The following NSUN6 variants were observed in gnomAD, a reference collection of about 807,000 sequenced individuals.
NSUN6 encodes the protein tRNA (cytosine(72)-C(5))-methyltransferase NSUN6.
In NSUN6, 64 loss-of-function variants were observed where a neutral mutation model predicts 58.0. That is an observed-to-expected ratio of 1.10 (90% CI 0.90 to 1.36). The LOEUF (loss-of-function observed/expected upper bound fraction) is 1.36. Ranked by LOEUF, NSUN6 falls within the 40% of genes most tolerant of loss-of-function variation. The pLI, the probability that NSUN6 is intolerant of heterozygous loss-of-function variation, is 0.00. For missense variants in NSUN6, 701 were observed against 550.1 expected, an observed-to-expected ratio of 1.27 and a Z score of -2.74; for synonymous variants, 231 against 193.9, an observed-to-expected ratio of 1.19 and a Z score of -1.59.
chr10:18,656,816 C>CTT (rs59363607), upstream of NSUN6, among the ~76,000 whole-genome samples: 19 of 86,600 alleles, frequency 2.2e-4, no homozygotes, highest in Admixed American at 3.0e-4. Flanking sequence ...AGTTACAATC[C>CTT]TTTTTTTTTT....
chr10:18,581,565 G>A (rs1242362217), intron 8 of NSUN6, among the ~76,000 whole-genome samples: 1 of 152,180 alleles, frequency 6.6e-6, no homozygotes. Flanking sequence ...GGTGGCTCAT[G>A]CCTGTAATTC....
At chr10:18,652,670 C>T, upstream of NSUN6, 1 of 667,830 alleles carries the variant, frequency 1.5e-6, no homozygotes. Context: ...AGAGATTCTC[C>T]TGCCTTGGCC....
chr10:18,609,973 T>C (rs1224341334), intron 5 of NSUN6, 47 bp from the exon 6 acceptor site: 3 of 1,084,244 alleles, frequency 2.8e-6, no homozygotes, highest in Non-Finnish European at 2.8e-6. Flanking sequence ...TTCCATGGTC[T>C]ATACAAACTA....
chr10:18,628,186 C>T (rs2131454480), intron 3 of NSUN6, among the ~76,000 whole-genome samples: 1 of 152,294 alleles, frequency 6.6e-6, no homozygotes, highest in Non-Finnish European at 1.5e-5. Context: ...AGACCTGCAG[C>T]TGAGGGTCCT....
chr10:18,643,897 T>C (rs1483667033), intron 2 of NSUN6, among the ~76,000 whole-genome samples: 1 of 152,194 alleles, frequency 6.6e-6, no homozygotes, highest in Non-Finnish European at 1.5e-5. Context: ...TGTTAATATA[T>C]AAATAAAACC....
chr10:18,634,581 C>A (rs553479977), intron 3 of NSUN6, among the ~76,000 whole-genome samples: 1 of 147,760 alleles, frequency 6.8e-6, no homozygotes, highest in South Asian at 2.2e-4. Flanking sequence ...GAAACCACAT[C>A]TCTACTAAAA....
chr10:18,582,430 G>A (rs530440817), intron 8 of NSUN6, among the ~76,000 whole-genome samples: 10 of 152,296 alleles, frequency 6.6e-5, no homozygotes, highest in Non-Finnish European at 1.2e-4. Flanking sequence ...TTGTGGTGGT[G>A]AGCAATTAAG....
chr10:18,583,967 T>G (rs529265843), intron 8 of NSUN6, among the ~76,000 whole-genome samples: 155 of 152,304 alleles, frequency 1.0e-3, no homozygotes, highest in Non-Finnish European at 1.8e-3. Flanking sequence ...TTTACACACT[T>G]TCCCCTCACC....
At chr10:18,563,754 C>A (rs1049463036) in intron 8 of NSUN6, among the ~76,000 whole-genome samples, 4 of 150,506 alleles carry the variant, frequency 2.7e-5, no homozygotes, top group East Asian at 3.9e-4. Flanking sequence ...ATTCTCCATA[C>A]CATTCCATTC....
chr10:18,629,669 A>G (rs1274982664), intron 3 of NSUN6, among the ~76,000 whole-genome samples: 1 of 151,894 alleles, frequency 6.6e-6, no homozygotes, highest in Non-Finnish European at 1.5e-5. Flanking sequence ...GTCATTACAT[A>G]ATGGTAAAGG....
rs939619269 is a variant in NSUN6 at position 18,551,739 on chromosome 10, G to A, written c.1071+84C>T. 30 of 1,156,392 alleles carry A rather than the reference G, an allele frequency of 2.6e-5. 2 individuals carry two copies. Among genetic ancestry groups the A allele is most frequent in the South Asian group, 2.2e-4 (15 of 67,388 alleles). 71.6% of individuals were successfully genotyped at this position (1,156,392 alleles called of 1,614,324 possible). A position where few individuals can be genotyped will look rare whatever the true frequency, so the allele number is the denominator to read the frequency against. ...CCACCTTTTGGCTATTGTAATGAAC[G>A]CTGCTATGGAGATTGCTGTCAGTAG... On this transcript the variant is annotated intron_variant, in intron 9 of 10. Coordinates refer to ENST00000377304, the MANE Select transcript of NSUN6 (RefSeq NM_182543.5).
intron 3 of NSUN6, among the ~76,000 whole-genome samples, chr10:18,627,120 C>T (rs1267201684): frequency 1.3e-5 from 2 of 152,260 alleles, no homozygotes; most frequent in African/African-American, 4.8e-5. Flanking sequence ...AATTACCAGA[C>T]AAAAATCTTC....
intron 8 of NSUN6, among the ~76,000 whole-genome samples, chr10:18,566,135 A>ACATTCCATTCCATTCTC (rs1358774080): frequency 7.6e-6 from 1 of 131,818 alleles, no homozygotes; most frequent in Non-Finnish European, 1.7e-5. Flanking sequence ...ATTCCATTCC[A>ACATTCCATTCCATTCTC]CATTCCATTC....
chr10:18,565,664 A>G (rs963538870), intron 8 of NSUN6, among the ~76,000 whole-genome samples: 1 of 146,328 alleles, frequency 6.8e-6, no homozygotes, highest in African/African-American at 2.5e-5. Context: ...ATTTTCCACT[A>G]CATTCCATTC....
chr10:18,592,877 A>G (rs1448057549), intron 7 of NSUN6, among the ~76,000 whole-genome samples: 1 of 152,174 alleles, frequency 6.6e-6, no homozygotes, highest in Non-Finnish European at 1.5e-5. Flanking sequence ...AATTAAACTA[A>G]AGAGCTTCTG....
At chr10:18,654,674 A>C (rs2059758383), upstream of NSUN6, 1 of 152,262 alleles carries the variant, frequency 6.6e-6, no homozygotes, top group South Asian at 2.1e-4. Flanking sequence ...CCAAGTCAGG[A>C]GTCCAAGACC....
chr10:18,640,517 C>T (rs185310034), intron 3 of NSUN6, among the ~76,000 whole-genome samples: 120 of 152,246 alleles, frequency 7.9e-4, no homozygotes, highest in Non-Finnish European at 1.4e-3. Flanking sequence ...AGTGTAGTAA[C>T]CTCCAAAGAT....
At chr10:18,623,460 T>C (rs1349045199) in intron 3 of NSUN6, among the ~76,000 whole-genome samples, 1 of 152,184 alleles carries the variant, frequency 6.6e-6, no homozygotes, top group Non-Finnish European at 1.5e-5. Flanking sequence ...GAGCCAAACC[T>C]AGTTTCTCAG....
At chr10:18,564,858 GTCCATTCCATTCCAGTC>G (rs1221572320) in intron 8 of NSUN6, among the ~76,000 whole-genome samples, 1 of 127,718 alleles carries the variant, frequency 7.8e-6, no homozygotes, top group Non-Finnish European at 1.7e-5. Context: ...CTCCATTCCT[GTCCATTCCATTCCAGTC>G]TCCATTCCAT....
Sources: gnomAD v4.1 joint callset for allele counts (sites outside exome capture counted in the v4.1 genomes callset) on GRCh38, gnomAD v4.1.1 for gene constraint, MANE v1.5 for transcripts, NCBI Gene and HGNC (gene_info 2026-07-23, HGNC 2026-07-21) for gene names.